The following FANK1 variants were observed in gnomAD, a reference collection of about 807,000 sequenced individuals.
FANK1 encodes the protein fibronectin type III and ankyrin repeat domains 1, also known as fibronectin type 3 and ankyrin repeat domains protein 1.
FANK1 carries 44 observed loss-of-function variants against 45.3 expected under a neutral mutation model. That is an observed-to-expected ratio of 0.97 (90% CI 0.76 to 1.25). FANK1 has a LOEUF of 1.25. Among genes scored for constraint, FANK1 ranks in the 50% most tolerant of loss-of-function variants. The probability of loss-of-function intolerance (pLI) is 0.00; values close to 1 mark genes in which losing one functional copy is unlikely to be tolerated. For synonymous variants in FANK1, 149 were observed against 152.5 expected (o/e 0.98, Z 0.17); for missense variants, 391 against 424.4 (o/e 0.92, Z 0.69).
chr10:125,899,026 A>G (rs1404072188), intron 1 of FANK1, among the ~76,000 whole-genome samples: 1 of 151,750 alleles, frequency 6.6e-6, no homozygotes, highest in East Asian at 1.9e-4. Flanking sequence ...TCCTGGCTAG[A>G]TGTGACTACA....
intron 1 of FANK1, among the ~76,000 whole-genome samples, chr10:125,897,298 T>G (rs1174177740): frequency 6.6e-6 from 1 of 152,304 alleles, no homozygotes; most frequent in Non-Finnish European, 1.5e-5. Context: ...GTTGTGCAGT[T>G]TTGAGTTATC....
intron 1 of FANK1, chr10:125,972,817 A>G (rs953987172): frequency 6.6e-6 from 1 of 151,872 alleles, no homozygotes; most frequent in South Asian, 2.1e-4. Flanking sequence ...GTGTGTGTTC[A>G]CTGAGGCTTC....
chr10:125,965,414 A>AAT (rs1382535181), intron 1 of FANK1, among the ~76,000 whole-genome samples: 3 of 152,214 alleles, frequency 2.0e-5, no homozygotes, highest in Admixed American at 1.3e-4. Flanking sequence ...GTGTCTAAAG[A>AAT]ATATATATAT....
At position 125,980,194 on chromosome 10, in the gene FANK1, T is replaced by C. The variant is rs1253853216; in HGVS notation, c.47T>C (p.Val16Ala). 1 of 1,613,810 alleles carries C rather than the reference T, an allele frequency of 6.2e-7. No homozygotes were observed. Among genetic ancestry groups the C allele is most frequent in the Admixed American group, 1.7e-5 (1 of 59,958 alleles). Reference protein sequence around the residue: ...IMPPSKPHPPVVGKVTHHSIE... With the variant: ...IMPPSKPHPPAVGKVTHHSIE... ...CCACCCTCAAAGCCTCATCCACCTG[T>C]CGTGGGCAAAGTGACTCATCACAGC... Residue 16 changes from valine (V) to alanine (A), a missense_variant, in exon 2 of 11, where the codon GTC becomes GCC. Val to Ala is a moderately conservative substitution (Grantham distance 64). Coordinates refer to ENST00000368693, the MANE Select transcript of FANK1 (RefSeq NM_145235.5).
chr10:125,989,407 G>A (rs1017690646), intron 3 of FANK1: 44 of 1,519,222 alleles, frequency 2.9e-5, no homozygotes, highest in African/African-American at 5.5e-5. Context: ...TGTGAGTAAA[G>A]CTCTTTTTCC....
chr10:125,930,865 C>T (rs1947706332), intron 1 of FANK1, among the ~76,000 whole-genome samples: 1 of 152,006 alleles, frequency 6.6e-6, no homozygotes, highest in Admixed American at 6.6e-5. Context: ...ATTCCTTGCC[C>T]CCTCCACACC....
intron 1 of FANK1, among the ~76,000 whole-genome samples, chr10:125,903,183 C>G (rs1449732883): frequency 6.6e-6 from 1 of 152,292 alleles, no homozygotes; most frequent in Non-Finnish European, 1.5e-5. Context: ...GAGAAGGAAG[C>G]AGTGTTAAAA....
intron 1 of FANK1, among the ~76,000 whole-genome samples, chr10:125,920,689 C>T (rs1384043020): frequency 6.6e-6 from 1 of 152,218 alleles, no homozygotes. Flanking sequence ...GGGATCCTCA[C>T]ATCTCAGGGC....
rs545639273 is a variant in FANK1, at chr10:125,955,301, C to G, written c.14-24860C>G. On this transcript the variant is annotated intron_variant, in intron 1 of 10. Transcript: ENST00000368693. ...CAGACCCCAGTGTGTGTTGGTCCCC[C>G]CCATGTGACCATGTGTTCTCATCAT... is the stretch of plus-strand genomic sequence containing the variant. Among the ~76,000 whole-genome samples, 13 of 152,116 alleles carry G rather than the reference C, an allele frequency of 8.5e-5. No individual in the cohort carries two copies. The South Asian group carries it at 2.1e-3, about 24-fold the overall frequency.
intron 1 of FANK1, among the ~76,000 whole-genome samples, chr10:125,946,358 G>A (rs1948801109): frequency 6.7e-6 from 1 of 148,374 alleles, no homozygotes. Flanking sequence ...TGAAAACTTT[G>A]AAAAAAATTT....
chr10:125,905,202 T>TG (rs1945404049), intron 1 of FANK1, among the ~76,000 whole-genome samples: 1 of 152,104 alleles, frequency 6.6e-6, no homozygotes, highest in Non-Finnish European at 1.5e-5. Flanking sequence ...GAGGCTGAGG[T>TG]GGGAGGATCA....
chr10:125,901,042 A>G (rs1944994838), intron 1 of FANK1, among the ~76,000 whole-genome samples: 14 of 151,982 alleles, frequency 9.2e-5, no homozygotes, highest in Admixed American at 9.2e-4. Context: ...TCCTGGGTTC[A>G]AGGGATCCTT....
intron 3 of FANK1, among the ~76,000 whole-genome samples, chr10:125,991,615 T>G (rs1372981326): frequency 1.3e-5 from 2 of 152,174 alleles, no homozygotes; most frequent in Non-Finnish European, 2.9e-5. Context: ...GCATGCACTT[T>G]GTTTGAATAA....
chr10:125,962,020 C>G (rs1056276790), intron 1 of FANK1, among the ~76,000 whole-genome samples: 1 of 152,140 alleles, frequency 6.6e-6, no homozygotes, highest in Non-Finnish European at 1.5e-5. Flanking sequence ...TTCTGCACAG[C>G]AAAGGAAACA....
chr10:125,954,567 A>G (rs911303851), intron 1 of FANK1, among the ~76,000 whole-genome samples: 1 of 143,646 alleles, frequency 7.0e-6, no homozygotes, highest in African/African-American at 2.5e-5. Flanking sequence ...AAAAAATTTC[A>G]ATAGTTCATG....
At chr10:125,943,916 C>T (rs7898112) in intron 1 of FANK1, among the ~76,000 whole-genome samples, 116,027 of 152,202 alleles carry the variant, frequency 0.76, 44,584 homozygotes, top group South Asian at 0.79. Flanking sequence ...AAGCGAACTG[C>T]GTCCAGAATA....
rs200964984 is a variant in FANK1 at position 125,905,144 on chromosome 10, A to C, written c.13+8489A>C. 1.0e-3 allele frequency among the ~76,000 whole-genome samples: 51 copies of C among 50,680 alleles called. 1 individual carries two copies. Among genetic ancestry groups the C allele is most frequent in the East Asian group, 3.8e-3 (9 of 2,356 alleles). The allele number at this position is 50,680 out of a possible 152,430, so 33.2% of individuals were successfully genotyped here. On this transcript the variant is annotated intron_variant, in intron 1 of 10. Coordinates refer to ENST00000368693, the MANE Select transcript of FANK1 (RefSeq NM_145235.5). ...AGACTCTGTCCCAAAAAAAAAAAAA[A>C]AAAAAACAAAAAAAACGTTTCTGTA...
chr10:126,007,389 G>A (rs1371850737), intron 7 of FANK1, among the ~76,000 whole-genome samples: 1 of 152,220 alleles, frequency 6.6e-6, no homozygotes, highest in East Asian at 1.9e-4. Flanking sequence ...GCTGTGTAAA[G>A]CATCATGTAA....
intron 1 of FANK1, among the ~76,000 whole-genome samples, chr10:125,927,785 A>G (rs1036015533): frequency 1.1e-4 from 16 of 152,066 alleles, no homozygotes; most frequent in African/African-American, 3.4e-4. Context: ...ACCTCAGGTG[A>G]TCTGCCTGCC....
Sources: allele counts gnomAD v4.1 joint callset (sites outside exome capture counted in the v4.1 genomes callset), GRCh38; gene constraint gnomAD v4.1.1; transcripts MANE v1.5; gene names NCBI Gene and HGNC (gene_info 2026-07-23, HGNC 2026-07-21).